ARAP2: variants seen among roughly 807,000 people sequenced by gnomAD.
ARAP2 encodes arf-GAP with Rho-GAP domain, ANK repeat and PH domain-containing protein 2.
Under a neutral mutation model 194.5 loss-of-function variants are expected in ARAP2, and 148 were observed. The ratio of observed to expected loss-of-function variants is 0.76; its 90% CI spans 0.67 to 0.87. The LOEUF (loss-of-function observed/expected upper bound fraction) is 0.87. ARAP2 is among the 40% of genes least tolerant of loss of function. The pLI is 0.00. For missense variants in ARAP2, 2,128 were observed against 1,989.7 expected, an observed-to-expected ratio of 1.07 and a Z score of -1.32; for synonymous variants, 695 against 683.5, an observed-to-expected ratio of 1.02 and a Z score of -0.26.
chr4:36,158,840 G>C lies in ARAP2; in HGVS notation c.2642C>G (p.Ser881Cys), dbSNP rs201489421. 7 of 1,602,404 alleles carry C rather than the reference G, an allele frequency of 4.4e-6. No individual in the cohort carries two copies. In the East Asian group the frequency reaches 1.6e-4, roughly 36 times the overall value. Residue 881 changes from serine to cysteine, a missense_variant, in exon 15 of 33, where the codon TCC becomes TGC. By Grantham distance (112) the Ser-to-Cys change is moderately radical. Coordinates refer to ENST00000303965, the MANE Select transcript of ARAP2 (RefSeq NM_015230.4). ...FSDFPQHDIH[S>C]EGVLSQESSQ... Reference sequence around the variant, plus strand: ...AGACTCTTGACTTAATACACCCTCGGAATGAATATCATGTTGAGGGAAATC... The same window carrying C: ...AGACTCTTGACTTAATACACCCTCGCAATGAATATCATGTTGAGGGAAATC...
intron 31 of ARAP2, among the ~76,000 whole-genome samples, chr4:36,074,190 A>G (rs1727702128): frequency 6.6e-6 from 1 of 152,172 alleles, no homozygotes; most frequent in Non-Finnish European, 1.5e-5. Flanking sequence ...TTTACACCAA[A>G]TATGATTTCA....
intron 27 of ARAP2, among the ~76,000 whole-genome samples, chr4:36,103,831 A>G (rs564371285): frequency 6.6e-6 from 1 of 152,098 alleles, no homozygotes; most frequent in South Asian, 2.1e-4. Flanking sequence ...TGTGAAGTCC[A>G]CATTTTAAAT....
intron 26 of ARAP2, 134 bp from the exon 27 acceptor site, chr4:36,107,827 T>C (rs945883440): frequency 6.6e-6 from 5 of 753,448 alleles, no homozygotes; most frequent in East Asian, 6.1e-5. Flanking sequence ...TCTTATGTTA[T>C]ATTATACAGT....
chr4:36,090,530 C>T (rs1203135013), intron 28 of ARAP2, among the ~76,000 whole-genome samples: 1 of 152,006 alleles, frequency 6.6e-6, no homozygotes, highest in Non-Finnish European at 1.5e-5. Context: ...ATTGAATTCA[C>T]CAGCACACCA....
intron 30 of ARAP2, among the ~76,000 whole-genome samples, chr4:36,080,604 T>C (rs1296718732): frequency 6.6e-6 from 1 of 152,208 alleles, no homozygotes; most frequent in Non-Finnish European, 1.5e-5. Flanking sequence ...GGTAAAACAC[T>C]GTATTCCACT....
At chr4:36,042,002 A>G (rs1310341782) in intron 5 of ARAP2, among the ~76,000 whole-genome samples, 1 of 152,114 alleles carries the variant, frequency 6.6e-6, no homozygotes, top group Non-Finnish European at 1.5e-5. Context: ...GAAGCAAACA[A>G]CAAACACTGG....
At chr4:36,027,030 G>A (rs943566030) in intron 5 of ARAP2, among the ~76,000 whole-genome samples, 1 of 152,166 alleles carries the variant, frequency 6.6e-6, no homozygotes, top group Non-Finnish European at 1.5e-5. Context: ...CACATTCAGG[G>A]ACTTCAGCGT....
chr4:36,191,946 G>A (rs1187479174), intron 7 of ARAP2, among the ~76,000 whole-genome samples: 1 of 152,150 alleles, frequency 6.6e-6, no homozygotes, highest in Non-Finnish European at 1.5e-5. Context: ...AAGAAACCTA[G>A]GGAATGTGTA....
intron 27 of ARAP2, among the ~76,000 whole-genome samples, chr4:36,101,396 GTT>G (rs35050889): frequency 3.3e-5 from 5 of 149,900 alleles, no homozygotes; most frequent in African/African-American, 1.2e-4. Flanking sequence ...AAGTACCAGA[GTT>G]TTTTTTTTTT....
intron 1 of ARAP2, among the ~76,000 whole-genome samples, chr4:36,060,269 G>C (rs945950534): frequency 6.6e-6 from 1 of 152,124 alleles, no homozygotes; most frequent in Admixed American, 6.5e-5. Flanking sequence ...ATGAAAGATA[G>C]GGCATCGTTG....
intron 26 of ARAP2, among the ~76,000 whole-genome samples, chr4:36,111,709 G>T (rs1341296361): frequency 6.6e-6 from 1 of 151,878 alleles, no homozygotes. Flanking sequence ...CATTCTGAGG[G>T]TAAACATCCC....
rs1266240989 is a variant in ARAP2, at chr4:36,085,642, C to T, written c.4426-2192G>A. ...GGCAAAATAACTCAAATCCATTTTA[C>T]TTATCTCCCAAAATGTCTTCAAATT... On this transcript the variant is annotated intron_variant, in intron 28 of 32. Coordinates refer to ENST00000303965, the MANE Select transcript of ARAP2 (RefSeq NM_015230.4). Among the ~76,000 whole-genome samples the T allele has an allele frequency of 3.3e-5, 5 of 152,078 alleles. No individual in the cohort carries two copies. In the East Asian group the frequency reaches 5.8e-4, roughly 18 times the overall value.
In ARAP2 at chr4:36,213,258, T is replaced by C; in HGVS notation, c.1026A>G (p.Arg342=). The part of the protein sequence containing the change: ...FPYGETFLFQ[R]LENSKKRSIK... ...TGGGACTAACCTTGGAATTTTCTAG[T>C]CTCTGGAAGAGAAAGGTCTCTCCAT... The change falls in exon 4 of 33, where the codon AGA becomes AGG. Residue 342 remains arginine (R), a synonymous_variant. Coordinates refer to ENST00000303965, the MANE Select transcript of ARAP2 (RefSeq NM_015230.4). 6.2e-7 allele frequency: 1 copy of C among 1,604,344 alleles called. No homozygotes were observed. The highest frequency in any genetic ancestry group is 8.5e-7 in the Non-Finnish European group (1 of 1,171,864).
intron 5 of ARAP2, among the ~76,000 whole-genome samples, chr4:36,028,674 C>T (rs1232708913): frequency 6.6e-6 from 1 of 151,954 alleles, no homozygotes; most frequent in Admixed American, 6.5e-5. Context: ...TTCCCTTTCA[C>T]TAATCCTGTA....
At chr4:36,239,248 G>T (rs1479606655) in intron 1 of ARAP2, among the ~76,000 whole-genome samples, 3 of 151,688 alleles carry the variant, frequency 2.0e-5, no homozygotes, top group Non-Finnish European at 2.9e-5. Context: ...TACAGGGACA[G>T]AGAAAGATGC....
At chr4:36,136,694 T>C (rs1726795843) in intron 19 of ARAP2, among the ~76,000 whole-genome samples, 1 of 151,606 alleles carries the variant, frequency 6.6e-6, no homozygotes, top group Admixed American at 6.6e-5. Context: ...TAGTAAGTCT[T>C]CCACAGAAAT....
intron 5 of ARAP2, among the ~76,000 whole-genome samples, chr4:36,020,681 T>C (rs1716773188): frequency 6.6e-6 from 1 of 152,182 alleles, no homozygotes; most frequent in African/African-American, 2.4e-5. Context: ...TGCAGAAAAC[T>C]GAAACCACAG....
rs1722788961 is a variant in ARAP2 at position 36,052,251 on chromosome 4, A to G, written n.322-198T>C. ...AAAGTAAAATTGCCAGGAAACACAAACATTAATAACTTTTAATTAGAACGC... is the reference window on the plus strand; with the variant it reads ...AAAGTAAAATTGCCAGGAAACACAAGCATTAATAACTTTTAATTAGAACGC... On this transcript the variant is annotated intron_variant and non_coding_transcript_variant, in intron 2 of 12. Coordinates refer to the ARAP2 transcript ENST00000503225. Among the ~76,000 whole-genome samples, 2 of 152,246 alleles carry G rather than the reference A, an allele frequency of 1.3e-5. 1 individual carries two copies. The highest frequency in any genetic ancestry group is 3.8e-4 in the East Asian group (2 of 5,200).
At chr4:36,041,026 T>G (rs907141413) in intron 5 of ARAP2, among the ~76,000 whole-genome samples, 3 of 143,270 alleles carry the variant, frequency 2.1e-5, no homozygotes, top group Admixed American at 6.9e-5. Context: ...TTATTGAGAG[T>G]TTTTTTTTTT....
Sources: gnomAD v4.1 joint callset for allele counts (sites outside exome capture counted in the v4.1 genomes callset) on GRCh38, gnomAD v4.1.1 for gene constraint, MANE v1.5 for transcripts, NCBI Gene and HGNC (gene_info 2026-07-23, HGNC 2026-07-21) for gene names.